The following DIP2C variants were observed in gnomAD, a reference collection of about 807,000 sequenced individuals.
DIP2C encodes the protein DIP2 acetate--CoA ligase C (putative).
A neutral mutation model predicts 192.4 loss-of-function variants in DIP2C; 33 were observed. The ratio of observed to expected loss-of-function variants is 0.17; its 90% CI spans 0.13 to 0.23. The LOEUF (loss-of-function observed/expected upper bound fraction) is 0.23, where lower values mean the gene tolerates loss of function less well. DIP2C is among the 10% of genes least tolerant of loss of function. DIP2C has a pLI of 1.00. For synonymous variants in DIP2C, 979 were observed against 864.1 expected (o/e 1.13, Z -2.33); for missense variants, 1,537 against 2,110.1 (o/e 0.73, Z 5.32).
In DIP2C at chr10:417,632, G is replaced by GTT. The variant is rs1564684374; in HGVS notation, c.739+1432_739+1433insAA. 3.2e-4 allele frequency among the ~76,000 whole-genome samples: 41 copies of GTT among 126,452 alleles called. 1 individual carries two copies. Among genetic ancestry groups the GTT allele is most frequent in the Admixed American group, 6.2e-4 (8 of 12,858 alleles). 83.0% of individuals were successfully genotyped at this position (126,452 alleles called of 152,430 possible). On this transcript the variant is annotated intron_variant, in intron 6 of 36. Transcript: ENST00000280886. Reference sequence around the variant, plus strand: ...TCCCTGTCTGCCTGCGCCTGTCAGGGCTCGGATAGGCCTCCCTGTCCACCT... The same window carrying GTT: ...TCCCTGTCTGCCTGCGCCTGTCAGGGTTCTCGGATAGGCCTCCCTGTCCACCT...
intron 29 of DIP2C, among the ~76,000 whole-genome samples, chr10:334,581 A>G (rs1210980115): frequency 6.6e-6 from 1 of 152,224 alleles, no homozygotes; most frequent in Non-Finnish European, 1.5e-5. Context: ...ATTAAGATCT[A>G]TGATCCACTT....
At chr10:540,246 T>C (rs945632054) in intron 1 of DIP2C, among the ~76,000 whole-genome samples, 3 of 152,252 alleles carry the variant, frequency 2.0e-5, no homozygotes, top group Non-Finnish European at 2.9e-5. Context: ...CGCCAAAGCT[T>C]ATGTACTTGG....
intron 7 of DIP2C, among the ~76,000 whole-genome samples, chr10:414,731 G>GTATATATATATATA (rs1469907667): frequency 1.6e-5 from 1 of 63,824 alleles, no homozygotes; most frequent in Non-Finnish European, 3.1e-5. Flanking sequence ...GTGTGTGTGT[G>GTATATATATATATA]TGTGTGTGTA....
At chr10:413,877 G>T in intron 8 of DIP2C, 36 bp downstream of exon 8, 1 of 1,599,286 alleles carries the variant, frequency 6.3e-7, no homozygotes, top group East Asian at 2.2e-5. Flanking sequence ...TGTGCGAGGG[G>T]GTGGGCAAAG....
At position 363,682 on chromosome 10, in the gene DIP2C, A is replaced by C. The variant is rs774633268; in HGVS notation, c.2478-371T>G. On this transcript the variant is annotated intron_variant, in intron 20 of 36. Transcript: ENST00000280886. This position sits in a 1 kb window ranked among gnomAD's most constrained non-coding sequence, Gnocchi z 5.4. Reference sequence around the variant, plus strand: ...GCACCCGTGAAGTTAACGGTCTCCAAATCAGTAGAAATTTGCCGTTTCAGA... The same window carrying C: ...GCACCCGTGAAGTTAACGGTCTCCACATCAGTAGAAATTTGCCGTTTCAGA... 2.2e-4 allele frequency among the ~76,000 whole-genome samples: 33 copies of C among 152,214 alleles called. No homozygotes were observed. The highest frequency in any genetic ancestry group is 3.5e-4 in the Non-Finnish European group (24 of 68,032).
At chr10:427,149 G>A (rs938405048) in intron 4 of DIP2C, among the ~76,000 whole-genome samples, 10 of 152,204 alleles carry the variant, frequency 6.6e-5, no homozygotes, top group South Asian at 6.2e-4. Flanking sequence ...TGTCAGCAGA[G>A]CTACGTTCCT....
At chr10:325,926 A>C (rs1350195720) in intron 31 of DIP2C, among the ~76,000 whole-genome samples, 1 of 152,190 alleles carries the variant, frequency 6.6e-6, no homozygotes, top group Non-Finnish European at 1.5e-5. Context: ...TCACGTCTGT[A>C]ATCCCAGCAC....
Position 364,508 on chromosome 10 carries a change from C to T in DIP2C, c.2343G>A (p.Val781=), listed in dbSNP as rs761340760. The T allele has an allele frequency of 5.6e-6, 9 of 1,614,062 alleles. No homozygotes were observed. The African/African-American group carries it at 9.3e-5, about 17-fold the overall frequency. ...PFIRTGLLGF[V]GPGGLVFVVG... Reference sequence around the variant, plus strand: ...CCACGAAGACGAGGCCTCCGGGACCCACGAACCCCAGCAAGCCTGTCCTTA... The same window carrying T: ...CCACGAAGACGAGGCCTCCGGGACCTACGAACCCCAGCAAGCCTGTCCTTA... The change falls in exon 20 of 37, where the codon GTG becomes GTA. Residue 781 remains valine, a synonymous_variant. Transcript: ENST00000280886.
At chr10:558,427 T>A (rs1452879621) in intron 1 of DIP2C, among the ~76,000 whole-genome samples, 1 of 152,048 alleles carries the variant, frequency 6.6e-6, no homozygotes, top group Admixed American at 6.5e-5. Flanking sequence ...TATTCAGAAA[T>A]GCGTAAAGGA....
chr10:674,908 T>C (rs1049435051), intron 1 of DIP2C, among the ~76,000 whole-genome samples: 2 of 149,986 alleles, frequency 1.3e-5, no homozygotes, highest in African/African-American at 4.9e-5. Flanking sequence ...AACAACAAAA[T>C]ATCGAATTTA....
chr10:606,892 C>T (rs539454160), intron 1 of DIP2C, among the ~76,000 whole-genome samples: 1 of 152,304 alleles, frequency 6.6e-6, no homozygotes, highest in Admixed American at 6.5e-5. Flanking sequence ...GGAGGCCTGT[C>T]ATGGTGACTC....
intron 1 of DIP2C, among the ~76,000 whole-genome samples, chr10:594,582 A>G (rs977532293): frequency 2.6e-5 from 4 of 152,090 alleles, no homozygotes; most frequent in Non-Finnish European, 4.4e-5. Context: ...TCATTTTAAC[A>G]TAAGGGAACG....
At chr10:286,914 T>C (rs1450635495) in intron 33 of DIP2C, among the ~76,000 whole-genome samples, 1 of 152,140 alleles carries the variant, frequency 6.6e-6, no homozygotes, top group East Asian at 1.9e-4. Context: ...AATGATATAG[T>C]AGGCAGCTGC....
In DIP2C at chr10:426,580, A is replaced by T. The variant is rs540147958; in HGVS notation, c.395-3547T>A. Among the ~76,000 whole-genome samples, 7 of 152,374 alleles carry T rather than the reference A, an allele frequency of 4.6e-5. No individual in the cohort carries two copies. In the South Asian group the frequency reaches 1.4e-3, roughly 32 times the overall value. ...TGAAAAAGGAAAACAAAGTTGGAGGACTTCACTATCTGATTTCAAAACTTT... is the reference window on the plus strand; with the variant it reads ...TGAAAAAGGAAAACAAAGTTGGAGGTCTTCACTATCTGATTTCAAAACTTT... On this transcript the variant is annotated intron_variant, in intron 4 of 36. Coordinates refer to ENST00000280886, the MANE Select transcript of DIP2C (RefSeq NM_014974.3).
intron 1 of DIP2C, among the ~76,000 whole-genome samples, chr10:601,112 T>A (rs1852045329): frequency 6.6e-6 from 1 of 152,182 alleles, no homozygotes; most frequent in African/African-American, 2.4e-5. Context: ...CTTGTTTGGT[T>A]AAGAAAAACC....
At chr10:598,454 C>T (rs1488204060) in intron 1 of DIP2C, among the ~76,000 whole-genome samples, 1 of 152,244 alleles carries the variant, frequency 6.6e-6, no homozygotes, top group African/African-American at 2.4e-5. Flanking sequence ...GCAATCATCA[C>T]ATGCATTTCC....
intron 5 of DIP2C, among the ~76,000 whole-genome samples, chr10:421,350 T>C (rs995473035): frequency 6.6e-6 from 1 of 152,204 alleles, no homozygotes; most frequent in African/African-American, 2.4e-5. Context: ...AATATGTGTT[T>C]TCCTTGGTAA....
chr10:342,885 T>C (rs1394668356), intron 28 of DIP2C, among the ~76,000 whole-genome samples: 4 of 152,178 alleles, frequency 2.6e-5, no homozygotes, highest in Non-Finnish European at 5.9e-5. Context: ...TGAAATACAA[T>C]AAAATATATT....
intron 6 of DIP2C, 105 bp from the exon 7 acceptor site, chr10:415,993 G>C (rs1965608214): frequency 1.3e-6 from 2 of 1,543,696 alleles, no homozygotes; most frequent in Non-Finnish European, 1.8e-6. Flanking sequence ...GCTACAACAG[G>C]CTGCATCCTA....
Sources: gnomAD v4.1 joint callset for allele counts (sites outside exome capture counted in the v4.1 genomes callset) on GRCh38, gnomAD v4.1.1 for gene constraint, Gnocchi (gnomAD v3.1) non-coding constraint, MANE v1.5 for transcripts, NCBI Gene and HGNC (gene_info 2026-07-23, HGNC 2026-07-21) for gene names.